USP32: variants seen among roughly 807,000 people sequenced by gnomAD.
The protein encoded by USP32 is ubiquitin specific peptidase 32, also known as ubiquitin carboxyl-terminal hydrolase 32.
A neutral mutation model predicts 204.8 loss-of-function variants in USP32; 59 were observed. The ratio of observed to expected loss-of-function variants is 0.29; its 90% CI spans 0.23 to 0.36. The LOEUF (loss-of-function observed/expected upper bound fraction) is 0.36, where lower values mean the gene tolerates loss of function less well. Among genes scored for constraint, USP32 ranks in the 10% least tolerant of loss-of-function variants. The probability of loss-of-function intolerance (pLI) is 1.00; values close to 1 mark genes in which losing one functional copy is unlikely to be tolerated. For missense variants in USP32, 1,160 were observed against 1,946.4 expected, an observed-to-expected ratio of 0.60 and a Z score of 7.60; for synonymous variants, 517 against 678.4, an observed-to-expected ratio of 0.76 and a Z score of 3.70.
chr17:60,237,685 A>C (rs1481405547), intron 11 of USP32, among the ~76,000 whole-genome samples: 1 of 152,206 alleles, frequency 6.6e-6, no homozygotes, highest in Admixed American at 6.5e-5. Context: ...ATGATTCAAC[A>C]TATGACCTTT....
chr17:60,191,756 G>A (rs1032641943), intron 28 of USP32, among the ~76,000 whole-genome samples: 2 of 151,732 alleles, frequency 1.3e-5, no homozygotes, highest in Non-Finnish European at 2.9e-5. Flanking sequence ...TGATCTGCCC[G>A]CCTCCACCTC....
intron 27 of USP32, among the ~76,000 whole-genome samples, chr17:60,196,270 C>CAAAAAAAAAAAAAAAAAAAAAAAA (rs749074954): frequency 7.7e-6 from 1 of 129,224 alleles, no homozygotes; most frequent in Admixed American, 7.4e-5. Flanking sequence ...ATCCCCACGC[C>CAAAAAAAAAAAAAAAAAAAAAAAA]AAAAAAAGAA....
At chr17:60,383,160 CG>C in intron 1 of USP32, among the ~76,000 whole-genome samples, 1 of 150,972 alleles carries the variant, frequency 6.6e-6, no homozygotes, top group South Asian at 2.1e-4. Context: ...GCAGGAGAAT[CG>C]CCTCAACCCA....
chr17:60,210,175 T>C (rs1243039315), intron 21 of USP32, among the ~76,000 whole-genome samples: 1 of 152,060 alleles, frequency 6.6e-6, no homozygotes, highest in African/African-American at 2.4e-5. Flanking sequence ...CTGTTATAGT[T>C]AATAATTTGT....
At chr17:60,383,571 T>C (rs1225458438) in intron 1 of USP32, among the ~76,000 whole-genome samples, 1 of 152,202 alleles carries the variant, frequency 6.6e-6, no homozygotes, top group East Asian at 1.9e-4. Flanking sequence ...ACAATAGTGA[T>C]AGACAAATAC....
chr17:60,198,903 C>A (rs1357892387), intron 26 of USP32, among the ~76,000 whole-genome samples: 1 of 152,090 alleles, frequency 6.6e-6, no homozygotes, highest in Non-Finnish European at 1.5e-5. Context: ...CCCTTGAGCC[C>A]AGGAGTTTGA....
intron 1 of USP32, among the ~76,000 whole-genome samples, chr17:60,371,253 T>TAAAAAAAAAA (rs373242290): frequency 3.0e-5 from 2 of 66,292 alleles, no homozygotes; most frequent in African/African-American, 5.2e-5. Context: ...CTCTAAAAAT[T>TAAAAAAAAAA]AAAAAAAAAA....
intron 10 of USP32, among the ~76,000 whole-genome samples, chr17:60,253,365 C>T (rs974039109): frequency 6.6e-5 from 10 of 151,276 alleles, no homozygotes; most frequent in African/African-American, 2.2e-4. Context: ...ACAAAAAGTT[C>T]GTACACTCAA....
At chr17:60,270,048 A>G (rs2086688761) in intron 6 of USP32, among the ~76,000 whole-genome samples, 1 of 152,210 alleles carries the variant, frequency 6.6e-6, no homozygotes, top group Non-Finnish European at 1.5e-5. Flanking sequence ...GCAACATAAG[A>G]GAAAGAAATT....
In USP32 at chr17:60,310,815, C is replaced by T. The variant is rs117112258; in HGVS notation, c.187-9111G>A. Reference sequence around the variant, plus strand: ...CTTTGGGAGGCCAAGGCAAGAGGATCACTTGAGCTCAAGAGTTTGAAACCA... The same window carrying T: ...CTTTGGGAGGCCAAGGCAAGAGGATTACTTGAGCTCAAGAGTTTGAAACCA... On this transcript the variant is annotated intron_variant, in intron 2 of 33. Transcript: ENST00000300896. Among the ~76,000 whole-genome samples, 948 of 152,326 alleles carry T rather than the reference C, an allele frequency of 6.2e-3. 6 individuals carry two copies. The highest frequency in any genetic ancestry group is 9.4e-3 in the Non-Finnish European group (639 of 68,026).
At chr17:60,324,536 T>C (rs1369559000) in intron 2 of USP32, among the ~76,000 whole-genome samples, 1 of 152,062 alleles carries the variant, frequency 6.6e-6, no homozygotes, top group African/African-American at 2.4e-5. Context: ...ATTAACAACA[T>C]GTAAATGGTA....
intron 9 of USP32, among the ~76,000 whole-genome samples, chr17:60,263,062 C>T (rs757258570): frequency 2.6e-5 from 4 of 152,116 alleles, no homozygotes; most frequent in African/African-American, 9.7e-5. Context: ...GATCCTCTCG[C>T]CTCAGCCTCC....
At chr17:60,268,704 T>C (rs188064633) in intron 7 of USP32, among the ~76,000 whole-genome samples, 1 of 152,156 alleles carries the variant, frequency 6.6e-6, no homozygotes, top group African/African-American at 2.4e-5. Context: ...GAGATTTGAA[T>C]TTTTAGTTGA....
chr17:60,403,069 T>C (rs1045400833), intron 1 of USP32, among the ~76,000 whole-genome samples: 4 of 151,976 alleles, frequency 2.6e-5, no homozygotes, highest in African/African-American at 9.7e-5. Flanking sequence ...TGGAGTGCAG[T>C]GTCACGATCT....
At chr17:60,228,509 T>C (rs960033209) in intron 12 of USP32, among the ~76,000 whole-genome samples, 12 of 150,954 alleles carry the variant, frequency 7.9e-5, no homozygotes, top group African/African-American at 1.2e-4. Flanking sequence ...TTCTTTTTTT[T>C]TTTTTTTTTA....
intron 1 of USP32, among the ~76,000 whole-genome samples, chr17:60,358,843 A>G (rs2089144654): frequency 1.3e-5 from 2 of 152,244 alleles, no homozygotes; most frequent in South Asian, 4.1e-4. Flanking sequence ...AGCTTAGTCT[A>G]TGATTACAGG....
At chr17:60,359,760 A>G (rs191848140) in intron 1 of USP32, among the ~76,000 whole-genome samples, 2 of 152,304 alleles carry the variant, frequency 1.3e-5, no homozygotes, top group East Asian at 1.9e-4. Flanking sequence ...GCAGTGACCT[A>G]TGATTGAACC....
intron 13 of USP32, among the ~76,000 whole-genome samples, chr17:60,225,405 C>A (rs977996204): frequency 6.6e-6 from 1 of 151,918 alleles, no homozygotes; most frequent in Non-Finnish European, 1.5e-5. Flanking sequence ...TGCAGTAAGC[C>A]GTGATTATGC....
chr17:60,315,253 A>AG, intron 2 of USP32, among the ~76,000 whole-genome samples: 1 of 152,122 alleles, frequency 6.6e-6, no homozygotes, highest in African/African-American at 2.4e-5. Context: ...CAAAAAAATT[A>AG]GCCAGGCGTG....
Sources: allele counts gnomAD v4.1 joint callset (sites outside exome capture counted in the v4.1 genomes callset), GRCh38; gene constraint gnomAD v4.1.1; transcripts MANE v1.5; gene names NCBI Gene and HGNC (gene_info 2026-07-23, HGNC 2026-07-21).